Variants in IGSF11 observed in about 807,000 individuals in gnomAD.
IGSF11 encodes the protein CXADR like 1.
IGSF11 carries 22 observed loss-of-function variants against 41.0 expected under a neutral mutation model. That is an observed-to-expected ratio of 0.54 (90% confidence interval 0.38 to 0.77). The LOEUF is 0.77. IGSF11 is among the 30% of genes least tolerant of loss of function. The probability of loss-of-function intolerance (pLI) is 0.00; values close to 1 mark genes in which losing one functional copy is unlikely to be tolerated. For missense variants in IGSF11, 444 were observed against 530.8 expected, an observed-to-expected ratio of 0.84 and a Z score of 1.61; for synonymous variants, 219 against 201.3, an observed-to-expected ratio of 1.09 and a Z score of -0.74.
chr3:118,917,992 G>A (rs1364452991), intron 4 of IGSF11, among the ~76,000 whole-genome samples: 4 of 137,720 alleles, frequency 2.9e-5, no homozygotes, highest in Non-Finnish European at 6.1e-5. Context: ...TATAAACAGA[G>A]CCAAAGACAA....
Position 119,105,092 on chromosome 3 carries a change from G to A in IGSF11, c.49+52C>T, listed in dbSNP as rs2077000278. The A allele has an allele frequency of 5.1e-6, 6 of 1,182,858 alleles. No individual in the cohort carries two copies. In the African/African-American group the frequency reaches 7.6e-5, roughly 15 times the overall value. The allele number at this position is 1,182,858 out of a possible 1,614,324, so 73.3% of individuals were successfully genotyped here. On this transcript the variant is annotated intron_variant, in intron 1 of 6. Transcript: ENST00000354673. ...AGCCTTTCACTCAGCCAGGCCATAA[G>A]AGATAATAACCACTAATAGTAATAA... is the stretch of plus-strand genomic sequence containing the variant.
At chr3:119,127,144 A>G (rs1204648035) in intron 1 of IGSF11, among the ~76,000 whole-genome samples, 1 of 152,156 alleles carries the variant, frequency 6.6e-6, no homozygotes, top group African/African-American at 2.4e-5. Context: ...AAAAAGTTAG[A>G]GGAATTGCTA....
chr3:119,124,225 G>A (rs1378461848), intron 1 of IGSF11, among the ~76,000 whole-genome samples: 2 of 148,102 alleles, frequency 1.4e-5, no homozygotes, highest in African/African-American at 4.9e-5. Context: ...ACATTCTGGA[G>A]CTGAAAAATG....
intron 1 of IGSF11, among the ~76,000 whole-genome samples, chr3:119,013,588 T>A (rs567731831): frequency 6.6e-6 from 1 of 152,360 alleles, no homozygotes; most frequent in Admixed American, 6.5e-5. Context: ...CAATGTTTAT[T>A]AGACATCGAC....
At chr3:118,927,078 C>T (rs1291196969) in intron 3 of IGSF11, among the ~76,000 whole-genome samples, 3 of 150,932 alleles carry the variant, frequency 2.0e-5, no homozygotes. Flanking sequence ...AGAGTATACA[C>T]AGGAATCAGG....
At chr3:119,053,669 T>C (rs1941714055) in intron 1 of IGSF11, among the ~76,000 whole-genome samples, 1 of 152,042 alleles carries the variant, frequency 6.6e-6, no homozygotes. Flanking sequence ...AAAATAATCC[T>C]AAAATTTGTA....
chr3:118,913,512 TTCTTGAGAA>T (rs1459141449), intron 4 of IGSF11, among the ~76,000 whole-genome samples: 6 of 152,234 alleles, frequency 3.9e-5, no homozygotes, highest in Non-Finnish European at 7.3e-5. Flanking sequence ...CATTTTCAAA[TTCTTGAGAA>T]ACAATAACTG....
intron 1 of IGSF11, among the ~76,000 whole-genome samples, chr3:119,018,738 T>A (rs771868333): frequency 8.5e-5 from 13 of 152,226 alleles, no homozygotes; most frequent in Non-Finnish European, 1.8e-4. Flanking sequence ...GGTTACCCAA[T>A]AATGACAGCT....
chr3:119,054,337 G>A (rs1941737680), intron 1 of IGSF11, among the ~76,000 whole-genome samples: 1 of 151,528 alleles, frequency 6.6e-6, no homozygotes, highest in East Asian at 1.9e-4. Context: ...AAATCAGCAA[G>A]AAAAAGACAA....
chr3:119,093,695 A>G (rs2076801958), intron 1 of IGSF11, among the ~76,000 whole-genome samples: 1 of 152,174 alleles, frequency 6.6e-6, no homozygotes, highest in South Asian at 2.1e-4. Context: ...AGGTTGTTTC[A>G]GGGATCTGAC....
intron 1 of IGSF11, among the ~76,000 whole-genome samples, chr3:119,052,919 G>C (rs1441413820): frequency 6.6e-6 from 1 of 152,148 alleles, no homozygotes; most frequent in Non-Finnish European, 1.5e-5. Context: ...AACAGACTCT[G>C]AAAAAGCGTT....
chr3:118,981,779 T>G (rs950008743), intron 1 of IGSF11: 1 of 152,312 alleles, frequency 6.6e-6, no homozygotes, highest in Non-Finnish European at 1.5e-5. Context: ...GAACTCCCTG[T>G]GGGAAACTTA....
intron 1 of IGSF11, among the ~76,000 whole-genome samples, chr3:119,102,149 G>A (rs1172904376): frequency 6.6e-6 from 1 of 151,776 alleles, no homozygotes; most frequent in African/African-American, 2.4e-5. Flanking sequence ...AATCATACTG[G>A]TACATCACTG....
At chr3:118,992,978 C>T (rs546909194) in intron 1 of IGSF11, among the ~76,000 whole-genome samples, 156 of 152,300 alleles carry the variant, frequency 1.0e-3, no homozygotes, top group African/African-American at 3.6e-3. Context: ...AGAATACCAG[C>T]ACCTTGGGAG....
At chr3:118,977,887 C>T (rs1362655733) in intron 1 of IGSF11, among the ~76,000 whole-genome samples, 2 of 152,182 alleles carry the variant, frequency 1.3e-5, no homozygotes, top group Non-Finnish European at 2.9e-5. Flanking sequence ...CTACGTCCTG[C>T]CCTGCAACCA....
chr3:118,965,211 T>C (rs1945587358), intron 1 of IGSF11, among the ~76,000 whole-genome samples: 1 of 152,030 alleles, frequency 6.6e-6, no homozygotes, highest in East Asian at 1.9e-4. Context: ...AACCCCCAGA[T>C]CAGGAGCCTT....
intron 1 of IGSF11, among the ~76,000 whole-genome samples, chr3:119,058,459 A>C (rs1406879042): frequency 1.3e-5 from 2 of 151,844 alleles, no homozygotes; most frequent in Non-Finnish European, 1.5e-5. Context: ...GCAATCATTA[A>C]AAAGTCAGGA....
chr3:118,911,717 G>C (rs979806307), intron 4 of IGSF11, among the ~76,000 whole-genome samples: 1 of 151,564 alleles, frequency 6.6e-6, no homozygotes, highest in Non-Finnish European at 1.5e-5. Flanking sequence ...GAGGAGAGGA[G>C]ACACAGAGAG....
chr3:119,035,659 A>T (rs1297100091), upstream of IGSF11, among the ~76,000 whole-genome samples: 2 of 152,184 alleles, frequency 1.3e-5, no homozygotes, highest in African/African-American at 4.8e-5. Flanking sequence ...GGGGAGAAAG[A>T]CTTTCCTAGC....
Sources: allele counts gnomAD v4.1 joint callset (sites outside exome capture counted in the v4.1 genomes callset), GRCh38; gene constraint gnomAD v4.1.1; transcripts MANE v1.5; gene names NCBI Gene and HGNC (gene_info 2026-07-23, HGNC 2026-07-21).